Variants in EIF1B observed in about 807,000 individuals in gnomAD.
EIF1B encodes protein translation factor SUI1 homolog GC20.
Under a neutral mutation model 14.8 loss-of-function variants are expected in EIF1B, and 5 were observed. The observed-to-expected ratio is 0.34, with a 90% CI of 0.18 to 0.71. The LOEUF (loss-of-function observed/expected upper bound fraction) is 0.71, where lower values mean the gene tolerates loss of function less well. Ranked by LOEUF, EIF1B falls within the 30% of genes least tolerant of loss-of-function variation. The pLI is 0.64. For synonymous variants in EIF1B, 45 were observed against 45.8 expected (o/e 0.98, Z 0.07); for missense variants, 56 against 134.0 (o/e 0.42, Z 2.87).
chr3:40,312,184 A>G lies in EIF1B; in HGVS notation c.*170A>G. The G allele has an allele frequency of 1.7e-6, 1 of 578,784 alleles. No homozygotes were observed. Among genetic ancestry groups the G allele is most frequent in the Non-Finnish European group, 3.1e-6 (1 of 327,806 alleles). The allele number at this position is 578,784 out of a possible 1,614,324, so 35.9% of individuals were successfully genotyped here. On this transcript the variant is annotated 3_prime_UTR_variant, in exon 4 of 4. Transcript: ENST00000232905. Reference sequence around the variant, plus strand: ...GAAAACATGGGGTATGTAGACTAGTAACACATAAGAAAATTGCAGTAAGAT... The same window carrying G: ...GAAAACATGGGGTATGTAGACTAGTGACACATAAGAAAATTGCAGTAAGAT...
rs911510609 is a variant in EIF1B, at chr3:40,311,987, G to A, written c.315G>A (p.Glu105=). Reference sequence around the variant, plus strand: ...TTTTACAGGTTGGCATTGTAAAGGAGGAACAGCTTAAGGTTCATGGATTCT... The same window carrying A: ...TTTTACAGGTTGGCATTGTAAAGGAAGAACAGCTTAAGGTTCATGGATTCT... The part of the protein sequence containing the change: ...QFLLEVGIVK[E]EQLKVHGF The change falls in exon 4 of 4, where the codon GAG becomes GAA. Residue 105 remains glutamate (E), a synonymous_variant. Coordinates refer to ENST00000232905, the MANE Select transcript of EIF1B (RefSeq NM_005875.3). 1 of 1,608,776 alleles carries A rather than the reference G, an allele frequency of 6.2e-7. No individual in the cohort carries two copies. Among genetic ancestry groups the A allele is most frequent in the African/African-American group, 1.3e-5 (1 of 74,792 alleles).
At chr3:40,310,631 A>G in intron 1 of EIF1B, 1 of 310,016 alleles carries the variant, frequency 3.2e-6, no homozygotes, top group Non-Finnish European at 5.9e-6. Flanking sequence ...AGAGGACCAT[A>G]TTGAACGATA....
Position 40,309,818 on chromosome 3 carries a change from C to G in EIF1B, c.-124C>G. 1 of 1,244,994 alleles carries G rather than the reference C, an allele frequency of 8.0e-7. No individual in the cohort carries two copies. The highest frequency in any genetic ancestry group is 1.2e-5 in the South Asian group (1 of 80,370). 77.1% of individuals were successfully genotyped at this position (1,244,994 alleles called of 1,614,324 possible). ...CGCCGCCGCCACTCCAGCCTAATCC[C>G]AACCCCAGGGCGAAGCGTTTTCTTA... On this transcript the variant is annotated 5_prime_UTR_variant, in exon 1 of 4. Transcript: ENST00000232905.
Position 40,312,038 on chromosome 3 carries a change from T to G in EIF1B, c.*24T>G, listed in dbSNP as rs1396455660. 1 of 1,589,874 alleles carries G rather than the reference T, an allele frequency of 6.3e-7. No homozygotes were observed. Among genetic ancestry groups the G allele is most frequent in the African/African-American group, 1.3e-5 (1 of 74,452 alleles). On this transcript the variant is annotated 3_prime_UTR_variant, in exon 4 of 4. Transcript: ENST00000232905. The stretch of plus-strand genomic sequence containing the variant: ...AAAATGAACCTAAATACGTGGAGAA[T>G]TTCTTGAATAGTTTTGTTCTCTAAA...
At chr3:40,310,778 A>C (rs1954315964) in intron 1 of EIF1B, 115 bp from the exon 2 acceptor site, 2 of 1,185,270 alleles carry the variant, frequency 1.7e-6, no homozygotes, top group South Asian at 1.8e-5. Flanking sequence ...CAGCAAAGGC[A>C]CTAGAACCTT....
chr3:40,309,811 C>G lies in EIF1B; in HGVS notation c.-131C>G. On this transcript the variant is annotated 5_prime_UTR_variant, in exon 1 of 4. Coordinates refer to ENST00000232905, the MANE Select transcript of EIF1B (RefSeq NM_005875.3). ...CGGCTTCCGCCGCCGCCACTCCAGC[C>G]TAATCCCAACCCCAGGGCGAAGCGT... The G allele has an allele frequency of 2.6e-6, 3 of 1,164,518 alleles. No homozygotes were observed. The highest frequency in any genetic ancestry group is 3.8e-6 in the Non-Finnish European group (3 of 794,300). 72.1% of individuals were successfully genotyped at this position (1,164,518 alleles called of 1,614,324 possible). A position where few individuals can be genotyped will look rare whatever the true frequency, so the allele number is the denominator to read the frequency against.
In EIF1B at chr3:40,311,460, A is replaced by C. The variant is rs1954325199; in HGVS notation, c.196-10A>C. 6.2e-7 allele frequency: 1 copy of C among 1,605,592 alleles called. No individual in the cohort carries two copies. Among genetic ancestry groups the C allele is most frequent in the Non-Finnish European group, 8.5e-7 (1 of 1,173,074 alleles). On this transcript the variant is annotated splice_polypyrimidine_tract_variant and intron_variant, in intron 2 of 3. Transcript: ENST00000232905. ...ACTAAATTTTGTTGTATATTTATGC[A>C]CTTTTCCAGAAATTTGCCTGTAATG...
At chr3:40,310,759 C>G (rs919095430) in intron 1 of EIF1B, 134 bp from the exon 2 acceptor site, 138 of 931,804 alleles carry the variant, frequency 1.5e-4, no homozygotes, top group Non-Finnish European at 2.1e-4. Flanking sequence ...CCATTCCTAC[C>G]GGCAAAAACA....
chr3:40,311,393 C>T (rs1454492), intron 2 of EIF1B, 77 bp from the exon 3 acceptor site: 417,967 of 1,038,320 alleles, frequency 0.4, 87,754 homozygotes, highest in East Asian at 0.66. Context: ...ACTGAAATGG[C>T]TAATTCTGTT....
Position 40,311,325 on chromosome 3 carries a change from T to G in EIF1B, c.196-145T>G, listed in dbSNP as rs115664753. ...ATCATTTCCTGGTTTACAAATTAAT[T>G]TGGAAGGATTGTGGATTATAGGAGA... On this transcript the variant is annotated intron_variant, in intron 2 of 3. Coordinates refer to ENST00000232905, the MANE Select transcript of EIF1B (RefSeq NM_005875.3). 450 of 616,860 alleles carry G rather than the reference T, an allele frequency of 7.3e-4. 3 individuals are homozygous for G. The highest frequency in any genetic ancestry group is 7.2e-3 in the African/African-American group (387 of 53,704). The allele number at this position is 616,860 out of a possible 1,614,324, so 38.2% of individuals were successfully genotyped here. A position where few individuals can be genotyped will look rare whatever the true frequency, so the allele number is the denominator to read the frequency against.
intron 1 of EIF1B, among the ~76,000 whole-genome samples, chr3:40,310,459 TG>T (rs1348446755): frequency 6.7e-6 from 1 of 148,716 alleles, no homozygotes; most frequent in African/African-American, 2.5e-5. Flanking sequence ...TTACGCCTCT[TG>T]ATATATATGT....
chr3:40,309,870 G>A lies in EIF1B; in HGVS notation c.-72G>A. On this transcript the variant is annotated 5_prime_UTR_variant, in exon 1 of 4. Transcript: ENST00000232905. ...TTATTTCCGTTTTCTCGCCACTACA[G>A]CCTCCTGACAAGGTGATCCGGGCGG... 1 of 1,548,500 alleles carries A rather than the reference G, an allele frequency of 6.5e-7. No homozygotes were observed. The highest frequency in any genetic ancestry group is 8.9e-7 in the Non-Finnish European group (1 of 1,121,522).
intron 3 of EIF1B, 103 bp from the exon 4 acceptor site, chr3:40,311,867 G>GT (rs1459839556): frequency 1.1e-6 from 1 of 904,748 alleles, no homozygotes; most frequent in Non-Finnish European, 1.8e-6. Context: ...CAGTGTTGCA[G>GT]TAAGCTGTTG....
In EIF1B at chr3:40,311,461, C is replaced by G; in HGVS notation, c.196-9C>G. 1 of 1,607,700 alleles carries G rather than the reference C, an allele frequency of 6.2e-7. No individual in the cohort carries two copies. Among genetic ancestry groups the G allele is most frequent in the East Asian group, 2.2e-5 (1 of 44,780 alleles). ...CTAAATTTTGTTGTATATTTATGCACTTTTCCAGAAATTTGCCTGTAATGG... is the reference window on the plus strand; with the variant it reads ...CTAAATTTTGTTGTATATTTATGCAGTTTTCCAGAAATTTGCCTGTAATGG... On this transcript the variant is annotated splice_polypyrimidine_tract_variant and intron_variant, in intron 2 of 3. Coordinates refer to ENST00000232905, the MANE Select transcript of EIF1B (RefSeq NM_005875.3).
In EIF1B at chr3:40,309,900, C is replaced by G; in HGVS notation, c.-42C>G. Reference sequence around the variant, plus strand: ...CTGACAAGGTGATCCGGGCGGGCCCCGCAGGAATTTTATCCCCTCACCGGC... The same window carrying G: ...CTGACAAGGTGATCCGGGCGGGCCCGGCAGGAATTTTATCCCCTCACCGGC... On this transcript the variant is annotated 5_prime_UTR_variant, in exon 1 of 4. Coordinates refer to ENST00000232905, the MANE Select transcript of EIF1B (RefSeq NM_005875.3). The G allele has an allele frequency of 6.2e-7, 1 of 1,611,536 alleles. No homozygotes were observed. Among genetic ancestry groups the G allele is most frequent in the Non-Finnish European group, 8.5e-7 (1 of 1,177,910 alleles).
chr3:40,311,135 G>T, intron 2 of EIF1B, 79 bp downstream of exon 2: 2 of 1,387,728 alleles, frequency 1.4e-6, no homozygotes, highest in Non-Finnish European at 2.0e-6. Context: ...CTTTATATCG[G>T]CGTGGATGAA....
At position 40,309,820 on chromosome 3, in the gene EIF1B, A is replaced by G. The variant is rs56308552; in HGVS notation, c.-122A>G. On this transcript the variant is annotated 5_prime_UTR_variant, in exon 1 of 4. Transcript: ENST00000232905. ...CCGCCGCCACTCCAGCCTAATCCCA[A>G]CCCCAGGGCGAAGCGTTTTCTTATT... 1 of 1,253,272 alleles carries G rather than the reference A, an allele frequency of 8.0e-7. No individual in the cohort carries two copies. The allele number at this position is 1,253,272 out of a possible 1,614,324, so 77.6% of individuals were successfully genotyped here.
Position 40,309,888 on chromosome 3 carries a change from C to A in EIF1B, c.-54C>A. ...CACTACAGCCTCCTGACAAGGTGAT[C>A]CGGGCGGGCCCCGCAGGAATTTTAT... On this transcript the variant is annotated 5_prime_UTR_variant, in exon 1 of 4. Coordinates refer to ENST00000232905, the MANE Select transcript of EIF1B (RefSeq NM_005875.3). 1 of 1,598,764 alleles carries A rather than the reference C, an allele frequency of 6.3e-7. No individual in the cohort carries two copies. The highest frequency in any genetic ancestry group is 1.1e-5 in the South Asian group (1 of 90,780).
chr3:40,311,376 C>A, intron 2 of EIF1B, 94 bp from the exon 3 acceptor site: 1 of 862,592 alleles, frequency 1.2e-6, no homozygotes, highest in Non-Finnish European at 1.8e-6. Flanking sequence ...TAAATATGAT[C>A]TAGCTTACTG....
Sources: allele counts gnomAD v4.1 joint callset (sites outside exome capture counted in the v4.1 genomes callset), GRCh38; gene constraint gnomAD v4.1.1; transcripts MANE v1.5; gene names NCBI Gene and HGNC (gene_info 2026-07-23, HGNC 2026-07-21).